Variants in XIRP2 observed in about 807,000 individuals in gnomAD.
XIRP2 encodes xin actin-binding repeat-containing protein 2.
A neutral mutation model predicts 277.0 loss-of-function variants in XIRP2; 236 were observed. The ratio of observed to expected loss-of-function variants is 0.85; its 90% CI spans 0.77 to 0.95. The LOEUF (loss-of-function observed/expected upper bound fraction) is 0.95. Among genes scored for constraint, XIRP2 ranks in the 40% least tolerant of loss-of-function variants. The pLI, the probability that XIRP2 is intolerant of heterozygous loss-of-function variation, is 0.00. For missense variants in XIRP2, 4,640 were observed against 4,157.5 expected (o/e 1.12, Z -3.19); for synonymous variants, 1,490 against 1,416.5 (o/e 1.05, Z -1.17).
At chr2:167,204,936 T>C (rs1693815416) in intron 3 of XIRP2, among the ~76,000 whole-genome samples, 1 of 152,198 alleles carries the variant, frequency 6.6e-6, no homozygotes, top group Non-Finnish European at 1.5e-5. Flanking sequence ...GGTATTTCAT[T>C]TGCAATATGC....
At chr2:167,231,468 G>T (rs73972215) in intron 5 of XIRP2, among the ~76,000 whole-genome samples, 23,020 of 151,864 alleles carry the variant, frequency 0.15, 2,156 homozygotes, top group African/African-American at 0.27. Flanking sequence ...TGTCAAAAAT[G>T]AGTGGCACCC....
intron 5 of XIRP2, among the ~76,000 whole-genome samples, chr2:167,221,938 G>A (rs969560782): frequency 3.9e-5 from 6 of 152,100 alleles, no homozygotes; most frequent in Non-Finnish European, 8.8e-5. Flanking sequence ...AACTTAATAA[G>A]GTATAATAAT....
chr2:167,036,187 T>C (rs1449059903), intron 2 of XIRP2, among the ~76,000 whole-genome samples: 2 of 152,218 alleles, frequency 1.3e-5, no homozygotes, highest in East Asian at 1.9e-4. Context: ...ACTGAGGCAC[T>C]GCTTAGTAGA....
intron 2 of XIRP2, among the ~76,000 whole-genome samples, chr2:166,935,278 A>G (rs1258592009): frequency 6.6e-6 from 1 of 152,226 alleles, no homozygotes; most frequent in Non-Finnish European, 1.5e-5. Flanking sequence ...TAAAAATGCA[A>G]TATTTAAAAC....
intron 3 of XIRP2, among the ~76,000 whole-genome samples, chr2:167,182,895 G>A (rs1030008436): frequency 5.3e-5 from 8 of 152,196 alleles, no homozygotes; most frequent in African/African-American, 1.4e-4. Flanking sequence ...ATAAACATGA[G>A]CCAAATCAAT....
intron 2 of XIRP2, among the ~76,000 whole-genome samples, chr2:167,002,343 T>C (rs778486985): frequency 3.4e-4 from 51 of 152,150 alleles, no homozygotes; most frequent in Non-Finnish European, 2.5e-4. Flanking sequence ...TGTGGTTCAA[T>C]GTCATACTCA....
At chr2:166,938,445 C>A (rs1018027277) in intron 2 of XIRP2, among the ~76,000 whole-genome samples, 2 of 152,172 alleles carry the variant, frequency 1.3e-5, no homozygotes, top group African/African-American at 4.8e-5. Context: ...TTTGATTGCA[C>A]TGTGGTCTGA....
chr2:167,006,808 G>T (rs1464531147), intron 2 of XIRP2, among the ~76,000 whole-genome samples: 1 of 151,642 alleles, frequency 6.6e-6, no homozygotes, highest in Non-Finnish European at 1.5e-5. Context: ...TCTTCTTTGA[G>T]TAATATTCTG....
chr2:166,963,690 C>G (rs901187465), intron 2 of XIRP2, among the ~76,000 whole-genome samples: 2 of 151,700 alleles, frequency 1.3e-5, no homozygotes, highest in African/African-American at 4.8e-5. Flanking sequence ...AGGAACCTCT[C>G]AGAAAGAAGA....
chr2:166,911,896 T>C (rs979047696), intron 2 of XIRP2, among the ~76,000 whole-genome samples: 2 of 152,208 alleles, frequency 1.3e-5, no homozygotes, highest in South Asian at 2.1e-4. Context: ...TATGAAATTC[T>C]GGGTTGAAAA....
At chr2:166,906,221 G>A (rs954994725) in intron 2 of XIRP2, among the ~76,000 whole-genome samples, 2 of 151,938 alleles carry the variant, frequency 1.3e-5, no homozygotes, top group African/African-American at 4.8e-5. Context: ...ACATTTTAAT[G>A]TTGCTATGGA....
intron 2 of XIRP2, among the ~76,000 whole-genome samples, chr2:167,109,338 T>A (rs900124489): frequency 6.6e-6 from 1 of 152,186 alleles, no homozygotes; most frequent in African/African-American, 2.4e-5. Flanking sequence ...TGGAGTGCAG[T>A]GATACAATCT....
chr2:167,074,182 C>A (rs1490447265), intron 2 of XIRP2, among the ~76,000 whole-genome samples: 1 of 151,984 alleles, frequency 6.6e-6, no homozygotes, highest in Non-Finnish European at 1.5e-5. Context: ...GTCTCAGTTT[C>A]CTTATTCATA....
intron 3 of XIRP2, among the ~76,000 whole-genome samples, chr2:167,193,800 C>A (rs948068642): frequency 1.4e-5 from 2 of 146,084 alleles, no homozygotes; most frequent in African/African-American, 2.5e-5. Flanking sequence ...ATCACTTGAA[C>A]TGGGGAGGTG....
chr2:166,924,711 C>A (rs1685140266), intron 2 of XIRP2, among the ~76,000 whole-genome samples: 1 of 151,956 alleles, frequency 6.6e-6, no homozygotes, highest in South Asian at 2.1e-4. Context: ...ACCTTTTCCT[C>A]CAAACTGTCT....
At chr2:167,007,457 C>A (rs1267002145) in intron 2 of XIRP2, among the ~76,000 whole-genome samples, 1 of 151,430 alleles carries the variant, frequency 6.6e-6, no homozygotes, top group African/African-American at 2.4e-5. Flanking sequence ...TAATGTTAAT[C>A]AGTAATAATC....
intron 3 of XIRP2, among the ~76,000 whole-genome samples, chr2:167,175,583 G>T (rs960176668): frequency 6.6e-6 from 1 of 152,146 alleles, no homozygotes; most frequent in Admixed American, 6.5e-5. Context: ...ACCCCTGCTG[G>T]GAGGTGTCTC....
intron 2 of XIRP2, among the ~76,000 whole-genome samples, chr2:166,980,811 AT>A (rs958047965): frequency 3.3e-5 from 5 of 150,480 alleles, no homozygotes; most frequent in Admixed American, 1.3e-4. Flanking sequence ...TATTTGTCTC[AT>A]TTTTTTTTCT....
chr2:167,132,246 T>C (rs1691398770), intron 2 of XIRP2, among the ~76,000 whole-genome samples: 1 of 152,070 alleles, frequency 6.6e-6, no homozygotes, highest in Non-Finnish European at 1.5e-5. Flanking sequence ...TTACCAGCAG[T>C]GACTTTGCTC....
Sources: gnomAD v4.1 joint callset for allele counts (sites outside exome capture counted in the v4.1 genomes callset) on GRCh38, gnomAD v4.1.1 for gene constraint, MANE v1.5 for transcripts, NCBI Gene and HGNC (gene_info 2026-07-23, HGNC 2026-07-21) for gene names.